FAM78B: variants seen among roughly 807,000 people sequenced by gnomAD.
FAM78B encodes the protein protein FAM78B.
A neutral mutation model predicts 20.0 loss-of-function variants in FAM78B; 10 were observed. The observed-to-expected ratio is 0.50, with a 90% CI of 0.31 to 0.85. The LOEUF (loss-of-function observed/expected upper bound fraction) is 0.85. Ranked by LOEUF, FAM78B falls within the 40% of genes least tolerant of loss-of-function variation. The pLI, the probability that FAM78B is intolerant of heterozygous loss-of-function variation, is 0.05. For synonymous variants in FAM78B, 135 were observed against 132.8 expected (o/e 1.02, Z -0.12); for missense variants, 283 against 345.0 (o/e 0.82, Z 1.42).
At chr1:166,061,100 A>T (rs901888935) in intron 2 of FAM78B, among the ~76,000 whole-genome samples, 2 of 152,218 alleles carry the variant, frequency 1.3e-5, no homozygotes, top group Non-Finnish European at 2.9e-5. Flanking sequence ...CGACTGAGCT[A>T]AAACTTACTG....
At chr1:166,142,904 G>C (rs1655331068) in intron 1 of FAM78B, among the ~76,000 whole-genome samples, 1 of 152,170 alleles carries the variant, frequency 6.6e-6, no homozygotes, top group South Asian at 2.1e-4. Flanking sequence ...AGCAGCACAT[G>C]GTTTCTTAGT....
rs754839641 is a variant in FAM78B at position 166,070,353 on chromosome 1, C to T, written c.674G>A (p.Arg225Gln). Residue 225 changes from arginine to glutamine, a missense_variant, in exon 2 of 2, where the codon CGG becomes CAG. By Grantham distance (43) the Arg-to-Gln change is conservative. Transcript: ENST00000354422. ...TQQEQPRILSRMEPIPPNALV... is the reference protein window; with the variant it reads ...TQQEQPRILSQMEPIPPNALV... ...TGCATTAGGGGGGATGGGTTCCATCCGGCTCAGGATCCGGGGCTGCTCCTG... is the reference window on the plus strand; with the variant it reads ...TGCATTAGGGGGGATGGGTTCCATCTGGCTCAGGATCCGGGGCTGCTCCTG... 49 of 1,612,616 alleles carry T rather than the reference C, an allele frequency of 3.0e-5. No individual in the cohort carries two copies. The highest frequency in any genetic ancestry group is 8.9e-5 in the East Asian group (4 of 44,870).
At chr1:166,148,099 T>A (rs912990049) in intron 1 of FAM78B, 2 of 152,238 alleles carry the variant, frequency 1.3e-5, no homozygotes, top group Admixed American at 1.3e-4. Context: ...TCACTTTTTG[T>A]AGAAACCCAT....
intron 1 of FAM78B, among the ~76,000 whole-genome samples, chr1:166,104,327 C>T (rs1179269028): frequency 2.0e-5 from 3 of 152,088 alleles, no homozygotes; most frequent in Non-Finnish European, 2.9e-5. Context: ...CAGTCCTATT[C>T]AACATAGTGT....
At chr1:166,114,592 CAGG>C (rs1264917169) in intron 1 of FAM78B, among the ~76,000 whole-genome samples, 2 of 152,116 alleles carry the variant, frequency 1.3e-5, no homozygotes, top group South Asian at 2.1e-4. Context: ...GGTTTCCAGC[CAGG>C]AGATTTCCAG....
intron 1 of FAM78B, among the ~76,000 whole-genome samples, chr1:166,101,872 C>A (rs1051053629): frequency 3.9e-5 from 6 of 152,018 alleles, no homozygotes; most frequent in African/African-American, 1.5e-4. Context: ...CACAAAGATA[C>A]TCCTCGAGAA....
In FAM78B at chr1:166,166,077, G is replaced by A. The variant is rs757666335; in HGVS notation, c.172C>T (p.Pro58Ser). 3 of 1,613,724 alleles carry A rather than the reference G, an allele frequency of 1.9e-6. No individual in the cohort carries two copies. The highest frequency in any genetic ancestry group is 2.5e-6 in the Non-Finnish European group (3 of 1,179,950). Residue 58 changes from proline (P) to serine (S), a missense_variant, in exon 1 of 2, where the codon CCC becomes TCC. By Grantham distance (74) the Pro-to-Ser change is moderately conservative (BLOSUM62 -1). Coordinates refer to ENST00000354422, the MANE Select transcript of FAM78B (RefSeq NM_001017961.5). Reference protein sequence around the residue: ...YFKASARVVMPPIPRHETWVV... With the variant: ...YFKASARVVMSPIPRHETWVV... ...CAGGTCTCGTGGCGGGGGATGGGGGGCATGACCACGCGGGCGGAGGCTTTG... is the reference window on the plus strand; with the variant it reads ...CAGGTCTCGTGGCGGGGGATGGGGGACATGACCACGCGGGCGGAGGCTTTG...
intron 1 of FAM78B, among the ~76,000 whole-genome samples, chr1:166,124,782 AAG>A (rs1654580148): frequency 6.6e-6 from 1 of 152,156 alleles, no homozygotes; most frequent in African/African-American, 2.4e-5. Flanking sequence ...CAGCAGGAGG[AAG>A]AGAGAAGTAG....
Position 166,103,360 on chromosome 1 carries a change from G to T in FAM78B, c.264-32597C>A, listed in dbSNP as rs551340017. On this transcript the variant is annotated intron_variant, in intron 1 of 1. Coordinates refer to ENST00000354422, the MANE Select transcript of FAM78B (RefSeq NM_001017961.5). ...GCAAGAAATAACTAAGATCAGAGCA[G>T]AACTGAAGGAAATAGAGACACAAAA... 1.9e-3 allele frequency among the ~76,000 whole-genome samples: 294 copies of T among 152,228 alleles called. 7 individuals carry two copies. The highest frequency in any genetic ancestry group is 0.018 in the Admixed American group (275 of 15,290).
At chr1:166,149,516 T>C (rs1207149067) in intron 1 of FAM78B, among the ~76,000 whole-genome samples, 1 of 152,214 alleles carries the variant, frequency 6.6e-6, no homozygotes, top group African/African-American at 2.4e-5. Flanking sequence ...CAATTTGGAA[T>C]TGGATGGCAA....
At position 166,069,957 on chromosome 1, in the gene FAM78B, A is replaced by T; in HGVS notation, c.*284T>A. On this transcript the variant is annotated 3_prime_UTR_variant, in exon 2 of 2. Transcript: ENST00000354422. ...GAAAGAAATGGTCAATAGTTCAGAT[A>T]AAAGAATCATCCTGGTCAGCTCCAA... is the stretch of plus-strand genomic sequence containing the variant. 1 of 1,133,412 alleles carries T rather than the reference A, an allele frequency of 8.8e-7. No homozygotes were observed. The highest frequency in any genetic ancestry group is 1.1e-6 in the Non-Finnish European group (1 of 923,642). 70.2% of individuals were successfully genotyped at this position (1,133,412 alleles called of 1,614,324 possible). A position where few individuals can be genotyped will look rare whatever the true frequency, so the allele number is the denominator to read the frequency against.
At chr1:166,105,293 G>A (rs919885105) in intron 1 of FAM78B, among the ~76,000 whole-genome samples, 32 of 152,270 alleles carry the variant, frequency 2.1e-4, no homozygotes, top group African/African-American at 6.5e-4. Flanking sequence ...ACATAGGCAT[G>A]GGCAAGGACT....
chr1:166,098,347 C>T (rs1417877083), intron 1 of FAM78B, among the ~76,000 whole-genome samples: 2 of 152,012 alleles, frequency 1.3e-5, no homozygotes, highest in Non-Finnish European at 2.9e-5. Flanking sequence ...CCGCCGCCTC[C>T]AAAATCACAC....
chr1:166,165,920 G>T (rs956323894), intron 1 of FAM78B, 66 bp downstream of exon 1: 3 of 1,595,354 alleles, frequency 1.9e-6, no homozygotes, highest in African/African-American at 2.7e-5. Context: ...TGGGGAGGGG[G>T]GTCAAGGTGG....
intron 1 of FAM78B, among the ~76,000 whole-genome samples, chr1:166,085,245 C>T (rs1174290850): frequency 6.6e-6 from 1 of 152,092 alleles, no homozygotes; most frequent in Non-Finnish European, 1.5e-5. Context: ...TTTTTTGTGG[C>T]TGAATCTAAT....
At chr1:166,122,332 A>G (rs1227058372) in intron 1 of FAM78B, among the ~76,000 whole-genome samples, 4 of 152,178 alleles carry the variant, frequency 2.6e-5, no homozygotes, top group Non-Finnish European at 5.9e-5. Context: ...ACAGCCAGTG[A>G]TGATAGCTGC....
At chr1:166,133,320 CAGG>C (rs778805425) in intron 1 of FAM78B, among the ~76,000 whole-genome samples, 1 of 152,122 alleles carries the variant, frequency 6.6e-6, no homozygotes, top group Admixed American at 6.6e-5. Context: ...TGGGAATTCT[CAGG>C]AGAAGAGAGG....
rs1656425840 is a variant in FAM78B, at chr1:166,166,909, G to A, written c.-661C>T. On this transcript the variant is annotated 5_prime_UTR_variant, in exon 1 of 2. Transcript: ENST00000354422. Reference sequence around the variant, plus strand: ...TCCTCGGCCCGGCTGCCTCGGCCCGGGGGGCGCCAGGAGGCTGTGGCCCGG... The same window carrying A: ...TCCTCGGCCCGGCTGCCTCGGCCCGAGGGGCGCCAGGAGGCTGTGGCCCGG... 1 of 152,068 alleles carries A rather than the reference G, an allele frequency of 6.6e-6. No homozygotes were observed. The highest frequency in any genetic ancestry group is 2.4e-5 in the African/African-American group (1 of 41,396). 9.4% of individuals were successfully genotyped at this position (152,068 alleles called of 1,614,324 possible). A position where few individuals can be genotyped will look rare whatever the true frequency, so the allele number is the denominator to read the frequency against.
intron 1 of FAM78B, among the ~76,000 whole-genome samples, chr1:166,111,457 G>A (rs919531560): frequency 6.6e-6 from 1 of 152,248 alleles, no homozygotes; most frequent in Non-Finnish European, 1.5e-5. Context: ...ACCTGTTACA[G>A]AGGCTGGAGC....
Sources: gnomAD v4.1 joint callset for allele counts (sites outside exome capture counted in the v4.1 genomes callset) on GRCh38, gnomAD v4.1.1 for gene constraint, MANE v1.5 for transcripts, NCBI Gene and HGNC (gene_info 2026-07-23, HGNC 2026-07-21) for gene names.